The following BACH2 variants were observed in gnomAD, a reference collection of about 807,000 sequenced individuals.
BACH2 encodes the protein BACH transcriptional regulator 2.
Under a neutral mutation model 61.8 loss-of-function variants are expected in BACH2, and 5 were observed. That is an observed-to-expected ratio of 0.08 (90% CI 0.04 to 0.17). BACH2 has a LOEUF of 0.17. Ranked by LOEUF, BACH2 falls within the 10% of genes least tolerant of loss-of-function variation. The pLI is 1.00. For missense variants in BACH2, 824 were observed against 1,091.1 expected (o/e 0.76, Z 3.45); for synonymous variants, 446 against 440.1 (o/e 1.01, Z -0.17).
At chr6:90,014,440 GTATATATATATATA>G (rs1201471150) in intron 5 of BACH2, among the ~76,000 whole-genome samples, 1 of 48,036 alleles carries the variant, frequency 2.1e-5, no homozygotes, top group Non-Finnish European at 3.4e-5. Flanking sequence ...GTGTGTGTGT[GTATATATATATATA>G]TATATATATA....
Position 90,116,639 on chromosome 6 carries a change from G to A in BACH2, c.-161-27530C>T, listed in dbSNP as rs576477281. On this transcript the variant is annotated intron_variant, in intron 4 of 8. Transcript: ENST00000257749. ...AAAATTAAAAAAAGAGAATCATACA[G>A]TGGTGTTATTCTTGCTACTTAAAAA... 1.1e-5 allele frequency: 3 copies of A among 272,216 alleles called. No individual in the cohort carries two copies. In the Admixed American group the frequency reaches 1.2e-4, roughly 11 times the overall value. 16.9% of individuals were successfully genotyped at this position (272,216 alleles called of 1,614,324 possible).
At chr6:90,118,680 GC>G (rs1025552933) in intron 4 of BACH2, among the ~76,000 whole-genome samples, 31 of 152,166 alleles carry the variant, frequency 2.0e-4, no homozygotes, top group Non-Finnish European at 1.2e-4. Context: ...AGACCAAGAT[GC>G]GCTCTTAAGA....
At chr6:90,017,732 A>G (rs1462544300) in intron 5 of BACH2, among the ~76,000 whole-genome samples, 1 of 152,216 alleles carries the variant, frequency 6.6e-6, no homozygotes, top group African/African-American at 2.4e-5. Context: ...CACTTGGAAT[A>G]TAGTTATAAT....
chr6:90,223,493 G>A (rs1769810327), intron 3 of BACH2, among the ~76,000 whole-genome samples: 1 of 152,036 alleles, frequency 6.6e-6, no homozygotes. Flanking sequence ...TTTGAGACAG[G>A]GCCTCACTGC....
At chr6:90,261,270 G>T (rs1169316729) in intron 2 of BACH2, among the ~76,000 whole-genome samples, 1 of 152,092 alleles carries the variant, frequency 6.6e-6, no homozygotes, top group African/African-American at 2.4e-5. Flanking sequence ...CATCAGATCT[G>T]CTTAGAGACA....
chr6:90,072,632 A>T (rs569813749), intron 5 of BACH2, among the ~76,000 whole-genome samples: 1 of 152,278 alleles, frequency 6.6e-6, no homozygotes, highest in South Asian at 2.1e-4. Context: ...TTAGCTTCTC[A>T]GTCATCCAAC....
intron 4 of BACH2, among the ~76,000 whole-genome samples, chr6:90,164,222 T>C (rs1767523388): frequency 6.6e-6 from 1 of 152,000 alleles, no homozygotes; most frequent in Non-Finnish European, 1.5e-5. Flanking sequence ...TAAAAAATGA[T>C]AAAGGGGATA....
chr6:89,931,969 T>C lies in BACH2; in HGVS notation c.*439A>G, dbSNP rs1285284260. On this transcript the variant is annotated 3_prime_UTR_variant, in exon 9 of 9. Transcript: ENST00000257749. ...TATATATATATATATTTTATATATA[T>C]ATTATATATAATATGTACAGTCTAG... is the stretch of plus-strand genomic sequence containing the variant. The C allele has an allele frequency of 1.4e-5, 2 of 147,838 alleles. No homozygotes were observed. The highest frequency in any genetic ancestry group is 3.0e-5 in the Non-Finnish European group (2 of 67,216). 9.2% of individuals were successfully genotyped at this position (147,838 alleles called of 1,614,324 possible).
At chr6:90,146,848 T>A (rs911026321) in intron 4 of BACH2, among the ~76,000 whole-genome samples, 1 of 152,212 alleles carries the variant, frequency 6.6e-6, no homozygotes, top group Non-Finnish European at 1.5e-5. Context: ...AAACTAACTT[T>A]ACAAGTGGTT....
At chr6:89,965,653 A>G (rs777786284) in intron 6 of BACH2, among the ~76,000 whole-genome samples, 84 of 152,228 alleles carry the variant, frequency 5.5e-4, no homozygotes, top group Non-Finnish European at 1.1e-3. Context: ...TTCACATGAC[A>G]ATCCATCACA....
chr6:89,986,163 A>G (rs1170355705), intron 6 of BACH2, among the ~76,000 whole-genome samples: 1 of 150,906 alleles, frequency 6.6e-6, no homozygotes, highest in African/African-American at 2.4e-5. Flanking sequence ...TGCCTGGGCC[A>G]TGGATGGGGG....
chr6:90,034,140 G>A (rs930041676), intron 5 of BACH2, among the ~76,000 whole-genome samples: 4 of 152,086 alleles, frequency 2.6e-5, no homozygotes, highest in African/African-American at 7.2e-5. Context: ...GGTGACTGCT[G>A]GTTATTTAGT....
intron 5 of BACH2, among the ~76,000 whole-genome samples, chr6:90,014,440 G>GTATATATATATATA (rs1201471150): frequency 6.2e-5 from 3 of 48,040 alleles, no homozygotes; most frequent in South Asian, 1.1e-3. Context: ...GTGTGTGTGT[G>GTATATATATATATA]TATATATATA....
chr6:90,092,959 A>G (rs1408740845), intron 4 of BACH2, among the ~76,000 whole-genome samples: 3 of 152,116 alleles, frequency 2.0e-5, no homozygotes, highest in African/African-American at 4.8e-5. Context: ...GCATCCATCA[A>G]TCTGAGGCCT....
intron 6 of BACH2, among the ~76,000 whole-genome samples, chr6:89,979,225 ATCCT>A (rs1775820834): frequency 6.6e-6 from 1 of 152,216 alleles, no homozygotes; most frequent in Non-Finnish European, 1.5e-5. Flanking sequence ...TCTGGTTTCA[ATCCT>A]TCCTCTCATT....
chr6:89,938,054 T>A, intron 8 of BACH2, 90 bp downstream of exon 8: 1 of 1,269,048 alleles, frequency 7.9e-7, no homozygotes, highest in Non-Finnish European at 1.1e-6. Flanking sequence ...AGGGTGACCC[T>A]TCTGTCTACT....
intron 4 of BACH2, among the ~76,000 whole-genome samples, chr6:90,191,983 G>A (rs1029412036): frequency 1.5e-4 from 23 of 152,168 alleles, no homozygotes; most frequent in Admixed American, 1.5e-3. Context: ...CTGTTCAAAT[G>A]ACTAGCTTTG....
chr6:90,055,114 C>G (rs918683132), intron 5 of BACH2, among the ~76,000 whole-genome samples: 1 of 152,186 alleles, frequency 6.6e-6, no homozygotes, highest in Non-Finnish European at 1.5e-5. Flanking sequence ...TGGAACAAAG[C>G]TGGATGGAGA....
intron 5 of BACH2, among the ~76,000 whole-genome samples, chr6:90,070,498 G>A (rs1434957127): frequency 1.3e-5 from 2 of 152,096 alleles, no homozygotes; most frequent in Non-Finnish European, 2.9e-5. Flanking sequence ...ACAGCATGGC[G>A]GTTGGGGTTG....
Sources: allele counts gnomAD v4.1 joint callset (sites outside exome capture counted in the v4.1 genomes callset), GRCh38; gene constraint gnomAD v4.1.1; transcripts MANE v1.5; gene names NCBI Gene and HGNC (gene_info 2026-07-23, HGNC 2026-07-21).